BTBD7: variants seen among roughly 807,000 people sequenced by gnomAD.
BTBD7 encodes the protein BTB domain containing 7.
A neutral mutation model predicts 99.9 loss-of-function variants in BTBD7; 38 were observed. The ratio of observed to expected loss-of-function variants is 0.38; its 90% confidence interval spans 0.29 to 0.50. The LOEUF (loss-of-function observed/expected upper bound fraction) is 0.50. Ranked by LOEUF, BTBD7 falls within the 20% of genes least tolerant of loss-of-function variation. The pLI is 0.93. For missense variants in BTBD7, 1,170 were observed against 1,394.6 expected (o/e 0.84, Z 2.57); for synonymous variants, 520 against 511.4 (o/e 1.02, Z -0.23).
At position 93,243,642 on chromosome 14, in the gene BTBD7, T is replaced by C. The variant is rs72708540; in HGVS notation, c.2584-554A>G. Among the ~76,000 whole-genome samples the C allele has an allele frequency of 1.1e-3, 160 of 152,326 alleles. 1 individual carries two copies. The highest frequency in any genetic ancestry group is 1.9e-3 in the Non-Finnish European group (126 of 68,024). ...ATATACTGATGAAATTTAGTACCTATATAATCTGTCACTAAATCTTTGAGA... is the reference window on the plus strand; with the variant it reads ...ATATACTGATGAAATTTAGTACCTACATAATCTGTCACTAAATCTTTGAGA... On this transcript the variant is annotated intron_variant, in intron 10 of 10. Coordinates refer to ENST00000334746, the MANE Select transcript of BTBD7 (RefSeq NM_001002860.4).
chr14:93,313,423 T>C (rs1010103254), intron 1 of BTBD7, among the ~76,000 whole-genome samples: 12 of 152,256 alleles, frequency 7.9e-5, no homozygotes, highest in African/African-American at 2.2e-4. Context: ...TTAAGCCATG[T>C]GGTTTTTTTC....
chr14:93,261,662 T>C lies in BTBD7; in HGVS notation c.1387A>G (p.Ile463Val). ...CCCCATTTAATCAGATATTTAAGGATATCTTGTTCACTTGCCTATAATAAA... is the reference window on the plus strand; with the variant it reads ...CCCCATTTAATCAGATATTTAAGGACATCTTGTTCACTTGCCTATAATAAA... ...SDYLQASEQD[I>V]LKYLIKWGEH... The change falls in exon 5 of 11, where the codon ATC becomes GTC. Residue 463 changes from isoleucine to valine, a missense_variant. Ile to Val is a conservative substitution (Grantham distance 29). Transcript: ENST00000334746. 1 of 1,609,620 alleles carries C rather than the reference T, an allele frequency of 6.2e-7. No homozygotes were observed.
intron 3 of BTBD7, among the ~76,000 whole-genome samples, chr14:93,278,935 G>T (rs1312604848): frequency 6.6e-6 from 1 of 152,180 alleles, no homozygotes; most frequent in South Asian, 2.1e-4. Flanking sequence ...GCTTGACACA[G>T]TGCCTGAAAA....
At chr14:93,255,484 A>G (rs2052419306) in intron 6 of BTBD7, 1 of 152,046 alleles carries the variant, frequency 6.6e-6, no homozygotes, top group South Asian at 2.1e-4. Flanking sequence ...AATACATAAA[A>G]ATACATACTT....
intron 1 of BTBD7, chr14:93,332,341 A>C (rs1006193369): frequency 6.6e-6 from 1 of 152,416 alleles, no homozygotes; most frequent in East Asian, 1.9e-4. Context: ...AGCAGTCCTC[A>C]GGCCTGCTCC....
chr14:93,293,780 AAT>A (rs1566853104), intron 3 of BTBD7, 76 bp downstream of exon 3: 14 of 1,503,438 alleles, frequency 9.3e-6, no homozygotes, highest in Non-Finnish European at 1.2e-5. Flanking sequence ...GAAATCATAG[AAT>A]ATACTGGTTG....
chr14:93,256,240 TTTA>T (rs977793829), intron 6 of BTBD7: 5 of 152,200 alleles, frequency 3.3e-5, no homozygotes, highest in East Asian at 1.9e-4. Flanking sequence ...TGATAGTTCG[TTTA>T]TTATTATGTT....
intron 1 of BTBD7, among the ~76,000 whole-genome samples, chr14:93,322,119 TTTTTA>T (rs1168886618): frequency 6.6e-6 from 1 of 152,332 alleles, no homozygotes; most frequent in East Asian, 1.9e-4. Context: ...CTATTGCTTA[TTTTTA>T]TTTTAGAGAC....
chr14:93,253,332 A>G (rs774935524), intron 7 of BTBD7, among the ~76,000 whole-genome samples: 3 of 152,248 alleles, frequency 2.0e-5, no homozygotes, highest in Non-Finnish European at 2.9e-5. Flanking sequence ...CCTCATGCTC[A>G]AGATCACAAA....
chr14:93,255,460 T>C (rs567421457), intron 6 of BTBD7: 45 of 152,152 alleles, frequency 3.0e-4, no homozygotes, highest in Admixed American at 2.9e-3. Flanking sequence ...AAGTTTTACA[T>C]AGTTGAATTT....
chr14:93,245,698 A>C (rs1452324343), intron 10 of BTBD7, 127 bp downstream of exon 10: 3 of 1,474,258 alleles, frequency 2.0e-6, no homozygotes, highest in Non-Finnish European at 1.8e-6. Context: ...CCTCAAGTCT[A>C]TGCCTTCCAC....
chr14:93,310,867 T>A (rs969285757), intron 1 of BTBD7, among the ~76,000 whole-genome samples: 1 of 151,842 alleles, frequency 6.6e-6, no homozygotes, highest in Non-Finnish European at 1.5e-5. Flanking sequence ...ATTCCCTTTT[T>A]TTGATATTAA....
At chr14:93,288,144 C>T (rs2052802843) in intron 3 of BTBD7, 1 of 208,334 alleles carries the variant, frequency 4.8e-6, no homozygotes, top group East Asian at 1.2e-4. Flanking sequence ...TTAAAATTGT[C>T]TCTTTTTCCC....
intron 3 of BTBD7, among the ~76,000 whole-genome samples, chr14:93,280,553 A>G (rs570962973): frequency 6.6e-6 from 1 of 152,290 alleles, no homozygotes; most frequent in African/African-American, 2.4e-5. Flanking sequence ...ATTTATCAGA[A>G]GTTTTATAAA....
At position 93,294,358 on chromosome 14, in the gene BTBD7, A is replaced by T; in HGVS notation, c.662T>A (p.Val221Asp). The T allele has an allele frequency of 6.2e-7, 1 of 1,614,202 alleles. No individual in the cohort carries two copies. Among genetic ancestry groups the T allele is most frequent in the Non-Finnish European group, 8.5e-7 (1 of 1,180,032 alleles). The change falls in exon 3 of 11, where the codon GTT (valine) becomes GAT (aspartate). Residue 221 changes from valine to aspartate, a missense_variant. Coordinates refer to ENST00000334746, the MANE Select transcript of BTBD7 (RefSeq NM_001002860.4). ...TGTTCCAAATTCTTCACTAAGCTGA[A>T]CAAGGATATCGACATTTTGAAACCT... Reference protein sequence around the residue: ...DSRFQNVDILVQLSEEFGTPN... With the variant: ...DSRFQNVDILDQLSEEFGTPN...
At chr14:93,312,480 C>T (rs1196576577) in intron 1 of BTBD7, among the ~76,000 whole-genome samples, 2 of 152,154 alleles carry the variant, frequency 1.3e-5, no homozygotes, top group Non-Finnish European at 2.9e-5. Flanking sequence ...AGTAAACATA[C>T]CTGACAGCAA....
chr14:93,274,382 T>C (rs1035905256), intron 3 of BTBD7, among the ~76,000 whole-genome samples: 3 of 152,188 alleles, frequency 2.0e-5, no homozygotes, highest in Non-Finnish European at 4.4e-5. Flanking sequence ...CTGTGAAAAT[T>C]GTGACCCTTG....
At chr14:93,244,509 C>T (rs756278323) in intron 10 of BTBD7, among the ~76,000 whole-genome samples, 14 of 152,000 alleles carry the variant, frequency 9.2e-5, no homozygotes, top group Non-Finnish European at 1.9e-4. Flanking sequence ...ATTAGCCGGG[C>T]GTGGTGGTGC....
In BTBD7 at chr14:93,245,894, C is replaced by T; in HGVS notation, c.2514G>A (p.Val838=). The T allele has an allele frequency of 6.2e-7, 1 of 1,613,908 alleles. No individual in the cohort carries two copies. Among genetic ancestry groups the T allele is most frequent in the Non-Finnish European group, 8.5e-7 (1 of 1,179,938 alleles). The part of the protein sequence containing the change: ...TSTAGLGRQT[V]AAAAATTTST... ...AGGTGGTGGTGGCGGCAGCAGCAGC[C>T]ACCGTCTGTCTGCCCAGTCCTGCAG... The change falls in exon 10 of 11, where the codon GTG becomes GTA. Residue 838 remains valine, a synonymous_variant. Coordinates refer to ENST00000334746, the MANE Select transcript of BTBD7 (RefSeq NM_001002860.4).
Sources: gnomAD v4.1 joint callset for allele counts (sites outside exome capture counted in the v4.1 genomes callset) on GRCh38, gnomAD v4.1.1 for gene constraint, MANE v1.5 for transcripts, NCBI Gene and HGNC (gene_info 2026-07-23, HGNC 2026-07-21) for gene names.